The following FOXP1 variants were observed in gnomAD, a reference collection of about 807,000 sequenced individuals.
FOXP1 encodes the protein forkhead box P1.
A neutral mutation model predicts 98.2 loss-of-function variants in FOXP1; 15 were observed. The observed-to-expected ratio is 0.15, with a 90% CI of 0.10 to 0.24. The LOEUF (loss-of-function observed/expected upper bound fraction) is 0.24. Among genes scored for constraint, FOXP1 ranks in the 10% least tolerant of loss-of-function variants. FOXP1 has a pLI of 1.00. For synonymous variants in FOXP1, 371 were observed against 314.5 expected (o/e 1.18, Z -1.90); for missense variants, 633 against 848.5 (o/e 0.75, Z 3.15).
intron 2 of FOXP1, among the ~76,000 whole-genome samples, chr3:71,504,696 G>T (rs2041675675): frequency 6.6e-6 from 1 of 152,180 alleles, no homozygotes; most frequent in South Asian, 2.1e-4. Context: ...GCCAAGGGAA[G>T]AGCTGATGAT....
chr3:71,198,070 T>TGACA, intron 6 of FOXP1, 132 bp downstream of exon 6: 1 of 1,614,158 alleles, frequency 6.2e-7, no homozygotes, highest in African/African-American at 1.3e-5. Flanking sequence ...GAGATGCCAC[T>TGACA]GACAGACAGA....
intron 2 of FOXP1, among the ~76,000 whole-genome samples, chr3:71,515,666 T>C (rs565276054): frequency 6.6e-6 from 1 of 152,190 alleles, no homozygotes; most frequent in South Asian, 2.1e-4. Context: ...TTTTGTGCTG[T>C]GTGGCTACAG....
intron 11 of FOXP1, among the ~76,000 whole-genome samples, chr3:71,021,650 C>T (rs2045461843): frequency 6.6e-6 from 1 of 152,336 alleles, no homozygotes; most frequent in East Asian, 1.9e-4. Context: ...CTCACCAGCA[C>T]TGTGTGAGGG....
chr3:71,048,425 T>C (rs997716940), intron 9 of FOXP1, among the ~76,000 whole-genome samples: 14 of 152,202 alleles, frequency 9.2e-5, no homozygotes, highest in African/African-American at 3.1e-4. Context: ...TTCATGTAGT[T>C]TATTTTACAG....
chr3:71,564,869 C>T (rs2046794716), intron 2 of FOXP1, among the ~76,000 whole-genome samples: 1 of 152,140 alleles, frequency 6.6e-6, no homozygotes, highest in South Asian at 2.1e-4. Flanking sequence ...AATCTCAGCA[C>T]TTTGGGAGGC....
intron 3 of FOXP1, among the ~76,000 whole-genome samples, chr3:71,450,253 C>T (rs2086817315): frequency 1.3e-5 from 2 of 152,306 alleles, no homozygotes; most frequent in Non-Finnish European, 2.9e-5. Flanking sequence ...TAAAAAACTA[C>T]AGGTGTTTCT....
At position 71,452,291 on chromosome 3, in the gene FOXP1, A is replaced by G. The variant is rs1190264055; in HGVS notation, c.-168+41135T>C. On this transcript the variant is annotated intron_variant, in intron 3 of 20. Transcript: ENST00000649528. Reference sequence around the variant, plus strand: ...ACAGAAATTAGTCTCAAGACTAAATACTCAGGAGTTTAATTATTAAGTCAG... The same window carrying G: ...ACAGAAATTAGTCTCAAGACTAAATGCTCAGGAGTTTAATTATTAAGTCAG... 3.3e-5 allele frequency among the ~76,000 whole-genome samples: 5 copies of G among 152,202 alleles called. No homozygotes were observed. In the South Asian group the frequency reaches 6.2e-4, roughly 19 times the overall value.
At chr3:71,107,451 TG>T in intron 7 of FOXP1, among the ~76,000 whole-genome samples, 1 of 148,894 alleles carries the variant, frequency 6.7e-6, no homozygotes. Flanking sequence ...AAAATATTTC[TG>T]TTTTATTATT....
chr3:71,305,934 G>C (rs1355989236), intron 4 of FOXP1: 1 of 152,654 alleles, frequency 6.6e-6, no homozygotes, highest in African/African-American at 2.4e-5. Context: ...TCACACAACG[G>C]AAGAAAGTTG....
chr3:71,328,110 G>A (rs2076031833), intron 4 of FOXP1, among the ~76,000 whole-genome samples: 1 of 152,120 alleles, frequency 6.6e-6, no homozygotes, highest in Admixed American at 6.5e-5. Context: ...AAGACTGGGT[G>A]TAAACATGTT....
At chr3:71,246,779 C>T (rs1053717429) in intron 5 of FOXP1, among the ~76,000 whole-genome samples, 5 of 152,156 alleles carry the variant, frequency 3.3e-5, no homozygotes, top group Admixed American at 6.5e-5. Flanking sequence ...TAGCACTCAC[C>T]CAATAATAAC....
chr3:71,036,342 T>G (rs2047585610), intron 11 of FOXP1, among the ~76,000 whole-genome samples: 1 of 152,132 alleles, frequency 6.6e-6, no homozygotes, highest in Non-Finnish European at 1.5e-5. Context: ...GTGCGTCCCC[T>G]GTTTCTAATA....
intron 2 of FOXP1, among the ~76,000 whole-genome samples, chr3:71,578,750 T>C (rs1445335718): frequency 6.6e-6 from 1 of 152,196 alleles, no homozygotes; most frequent in Non-Finnish European, 1.5e-5. Context: ...AAAACAGACA[T>C]ACCCTTCAAC....
intron 3 of FOXP1, among the ~76,000 whole-genome samples, chr3:71,484,060 C>A (rs1208957638): frequency 6.6e-6 from 1 of 152,114 alleles, no homozygotes; most frequent in East Asian, 1.9e-4. Flanking sequence ...TAAGAGTAAA[C>A]TACCCTGATA....
intron 13 of FOXP1, among the ~76,000 whole-genome samples, chr3:70,990,456 G>GAGCTCACC (rs5849974): frequency 0.08 from 12,215 of 152,032 alleles, 761 homozygotes; most frequent in East Asian, 0.25. Flanking sequence ...ATCATCCCAT[G>GAGCTCACC]AGCTCACCAT....
intron 7 of FOXP1, among the ~76,000 whole-genome samples, chr3:71,064,100 A>T (rs1318732796): frequency 6.6e-6 from 1 of 152,166 alleles, no homozygotes; most frequent in Non-Finnish European, 1.5e-5. Context: ...TTAATTAACC[A>T]GCCAAGTAAT....
At chr3:71,115,802 C>A (rs1352585314) in intron 6 of FOXP1, among the ~76,000 whole-genome samples, 1 of 145,842 alleles carries the variant, frequency 6.9e-6, no homozygotes, top group Non-Finnish European at 1.5e-5. Context: ...AGTAGTGCAA[C>A]CTCGGTTCAC....
intron 5 of FOXP1, among the ~76,000 whole-genome samples, chr3:71,202,470 G>A (rs2063737812): frequency 6.6e-6 from 1 of 152,144 alleles, no homozygotes; most frequent in Non-Finnish European, 1.5e-5. Context: ...CATTTAATAA[G>A]CCTTTATATC....
intron 3 of FOXP1, among the ~76,000 whole-genome samples, chr3:71,492,306 G>C (rs934527734): frequency 6.6e-6 from 1 of 152,024 alleles, no homozygotes; most frequent in African/African-American, 2.4e-5. Context: ...ACAAAAATTA[G>C]CCAGGCATGG....
Sources: allele counts gnomAD v4.1 joint callset (sites outside exome capture counted in the v4.1 genomes callset), GRCh38; gene constraint gnomAD v4.1.1; transcripts MANE v1.5; gene names NCBI Gene and HGNC (gene_info 2026-07-23, HGNC 2026-07-21).